TMEM245: variants seen among roughly 807,000 people sequenced by gnomAD.
TMEM245 encodes the protein protein CG-2.
TMEM245 carries 69 observed loss-of-function variants against 101.2 expected under a neutral mutation model. The ratio of observed to expected loss-of-function variants is 0.68; its 90% CI spans 0.56 to 0.83. The LOEUF is 0.83. Ranked by LOEUF, TMEM245 falls within the 40% of genes least tolerant of loss-of-function variation. The pLI is 0.00. For synonymous variants in TMEM245, 537 were observed against 449.8 expected (o/e 1.19, Z -2.45); for missense variants, 1,075 against 1,092.8 (o/e 0.98, Z 0.23).
chr9:109,021,306 C>G (rs1177818595), intron 17 of TMEM245, among the ~76,000 whole-genome samples: 1 of 152,160 alleles, frequency 6.6e-6, no homozygotes, highest in African/African-American at 2.4e-5. Context: ...CCATATTAGA[C>G]AAAAATGCCT....
chr9:109,105,664 A>G (rs1830391317), intron 3 of TMEM245, among the ~76,000 whole-genome samples: 1 of 152,234 alleles, frequency 6.6e-6, no homozygotes, highest in Non-Finnish European at 1.5e-5. Context: ...TTATTCAGCC[A>G]TAAAAAGGAA....
At chr9:109,037,321 G>A (rs1828159200) in intron 15 of TMEM245, among the ~76,000 whole-genome samples, 1 of 152,180 alleles carries the variant, frequency 6.6e-6, no homozygotes, top group Non-Finnish European at 1.5e-5. Context: ...AAACGTTACT[G>A]AGAGCCAATT....
At chr9:109,049,066 T>A (rs548291113) in intron 14 of TMEM245, among the ~76,000 whole-genome samples, 2 of 151,986 alleles carry the variant, frequency 1.3e-5, no homozygotes, top group South Asian at 4.2e-4. Context: ...GAGATGGGGG[T>A]GGTGGAAGCG....
intron 12 of TMEM245, among the ~76,000 whole-genome samples, chr9:109,055,695 C>T (rs781288924): frequency 2.6e-5 from 4 of 150,962 alleles, no homozygotes; most frequent in Non-Finnish European, 4.4e-5. Flanking sequence ...AGCTCAGTGG[C>T]GCAATCTCAG....
chr9:109,108,104 A>C (rs1830474016), intron 2 of TMEM245, among the ~76,000 whole-genome samples: 1 of 152,088 alleles, frequency 6.6e-6, no homozygotes, highest in Admixed American at 6.5e-5. Flanking sequence ...TAGTTCCTTT[A>C]ACTGGTTCTC....
chr9:109,113,079 G>A (rs780115364), intron 1 of TMEM245, among the ~76,000 whole-genome samples: 2 of 152,150 alleles, frequency 1.3e-5, no homozygotes, highest in Non-Finnish European at 2.9e-5. Flanking sequence ...CCATCTCAGC[G>A]GGGCCAGGGG....
In TMEM245 at chr9:109,038,355, T is replaced by G. The variant is rs1828202266; in HGVS notation, c.2124-238A>C. ...TATTTGGAAATATGTTTACTATTCCTTAAATTTCTGATGAAAAAATAACTG... is the reference window on the plus strand; with the variant it reads ...TATTTGGAAATATGTTTACTATTCCGTAAATTTCTGATGAAAAAATAACTG... On this transcript the variant is annotated intron_variant, in intron 14 of 17. Coordinates refer to ENST00000374586, the MANE Select transcript of TMEM245 (RefSeq NM_032012.4). 1.3e-5 allele frequency: 4 copies of G among 307,986 alleles called. No individual in the cohort carries two copies. The Admixed American group carries it at 1.5e-4, about 12-fold the overall frequency. 19.1% of individuals were successfully genotyped at this position (307,986 alleles called of 1,614,324 possible). A position where few individuals can be genotyped will look rare whatever the true frequency, so the allele number is the denominator to read the frequency against.
intron 8 of TMEM245, among the ~76,000 whole-genome samples, chr9:109,078,824 A>C (rs1001703793): frequency 3.9e-5 from 6 of 152,282 alleles, no homozygotes; most frequent in Admixed American, 2.0e-4. Context: ...TTATTTCTTC[A>C]AATAATTTTT....
At chr9:109,072,801 T>C (rs912181409) in intron 9 of TMEM245, among the ~76,000 whole-genome samples, 2 of 151,954 alleles carry the variant, frequency 1.3e-5, no homozygotes, top group East Asian at 3.8e-4. Context: ...AGCCCAGGAG[T>C]TCAAGATCAG....
At chr9:109,107,542 A>G (rs1181719864) in intron 2 of TMEM245, among the ~76,000 whole-genome samples, 1 of 152,136 alleles carries the variant, frequency 6.6e-6, no homozygotes, top group Non-Finnish European at 1.5e-5. Flanking sequence ...AAAATGAGTC[A>G]TATCTGACAT....
In TMEM245 at chr9:109,119,468, A is replaced by G. The variant is rs1336412867; in HGVS notation, c.446T>C (p.Leu149Pro). Reference sequence around the variant, plus strand: ...CGGGCCGCCGGCGCCGAGCAGCAGGAGCAGGCGGCGGCGGCGCAGCGCCTG... The same window carrying G: ...CGGGCCGCCGGCGCCGAGCAGCAGGGGCAGGCGGCGGCGGCGCAGCGCCTG... ...GEQALRRRRL[L>P]LLLGAGGPLL... The change falls in exon 1 of 18, where the codon CTC (leucine) becomes CCC (proline). Residue 149 changes from leucine to proline, a missense_variant. Transcript: ENST00000374586. The G allele has an allele frequency of 6.7e-7, 1 of 1,493,244 alleles. No homozygotes were observed. Among genetic ancestry groups the G allele is most frequent in the Non-Finnish European group, 8.8e-7 (1 of 1,131,402 alleles). 92.5% of individuals were successfully genotyped at this position (1,493,244 alleles called of 1,614,324 possible). A position where few individuals can be genotyped will look rare whatever the true frequency, so the allele number is the denominator to read the frequency against.
chr9:109,095,818 GCCTCTCACC>G (rs1439224559), intron 3 of TMEM245, among the ~76,000 whole-genome samples: 2 of 152,132 alleles, frequency 1.3e-5, no homozygotes, highest in African/African-American at 2.4e-5. Context: ...ACACTCAACT[GCCTCTCACC>G]CCTCTCACCA....
In TMEM245 at chr9:109,020,236, G is replaced by A. The variant is rs1215551179; in HGVS notation, c.*224C>T. The A allele has an allele frequency of 5.1e-6, 3 of 587,840 alleles. No homozygotes were observed. In the East Asian group the frequency reaches 9.1e-5, roughly 18 times the overall value. 36.4% of individuals were successfully genotyped at this position (587,840 alleles called of 1,614,324 possible). A position where few individuals can be genotyped will look rare whatever the true frequency, so the allele number is the denominator to read the frequency against. On this transcript the variant is annotated 3_prime_UTR_variant, in exon 18 of 18. Coordinates refer to ENST00000374586, the MANE Select transcript of TMEM245 (RefSeq NM_032012.4). ...CAAGCCATCTTAACAACAGTTAAGT[G>A]AGCAAACCACCAACTCTGAACTCTC...
Position 109,119,369 on chromosome 9 carries a change from A to G in TMEM245, c.545T>C (p.Ile182Thr), listed in dbSNP as rs760994927. 1.2e-5 allele frequency: 18 copies of G among 1,531,146 alleles called. No homozygotes were observed. Among genetic ancestry groups the G allele is most frequent in the Non-Finnish European group, 1.6e-5 (18 of 1,142,938 alleles). The allele number at this position is 1,531,146 out of a possible 1,614,324, so 94.8% of individuals were successfully genotyped here. ...GCTGAAGTAGTCCAGCCCGCGGCAG[A>G]TGAGCGTGGCAGCGTGCACCAGCAG... Reference protein sequence around the residue: ...QVLLVHAATLICRGLDYFSSL... With the variant: ...QVLLVHAATLTCRGLDYFSSL... Residue 182 changes from isoleucine (I) to threonine (T), a missense_variant, in exon 1 of 18, where the codon ATC becomes ACC. Ile to Thr is a moderately conservative substitution (Grantham distance 89). Coordinates refer to ENST00000374586, the MANE Select transcript of TMEM245 (RefSeq NM_032012.4).
At chr9:109,101,470 T>C (rs753298872) in intron 3 of TMEM245, among the ~76,000 whole-genome samples, 3 of 152,222 alleles carry the variant, frequency 2.0e-5, no homozygotes, top group Non-Finnish European at 2.9e-5. Context: ...ACCAGATGGT[T>C]TGAGTTCTGA....
chr9:109,119,859 G>T lies in TMEM245; in HGVS notation c.55C>A (p.Pro19Thr). 7.5e-7 allele frequency: 1 copy of T among 1,324,716 alleles called. No homozygotes were observed. 82.1% of individuals were successfully genotyped at this position (1,324,716 alleles called of 1,614,324 possible). Residue 19 changes from proline (P) to threonine (T), a missense_variant, in exon 1 of 18, where the codon CCG becomes ACG. Pro to Thr is a conservative substitution (Grantham distance 38). Transcript: ENST00000374586. ...ACCGCGCGCGGGACCCGCGGCGCCG[G>T]CCCGGGAGAGCTCCGCAGGCTTGGC... ...DAPSLRSSPG[P>T]APRVPRAVGP...
At chr9:109,118,922 A>G (rs993462513) in intron 1 of TMEM245, among the ~76,000 whole-genome samples, 1 of 152,156 alleles carries the variant, frequency 6.6e-6, no homozygotes, top group African/African-American at 2.4e-5. Context: ...GTTGGCCTAG[A>G]ATCTCTAAGG....
chr9:109,091,236 C>G, intron 4 of TMEM245, 81 bp from the exon 5 acceptor site: 1 of 1,257,418 alleles, frequency 8.0e-7, no homozygotes, highest in South Asian at 1.4e-5. Flanking sequence ...ATTAGGCTAG[C>G]CTGTTTCAGG....
In TMEM245 at chr9:109,110,366, T is replaced by G. The variant is rs531675842; in HGVS notation, c.580-1796A>C. Among the ~76,000 whole-genome samples, 20 of 152,234 alleles carry G rather than the reference T, an allele frequency of 1.3e-4. 1 individual carries two copies. In the South Asian group the frequency reaches 4.2e-3, roughly 32 times the overall value. On this transcript the variant is annotated intron_variant, in intron 1 of 17. Coordinates refer to ENST00000374586, the MANE Select transcript of TMEM245 (RefSeq NM_032012.4). ...TTTACACATGAAAGAAACCCAGATT[T>G]CAGAGAAGTGACTTGCCCAAGGCCA...
Sources: allele counts gnomAD v4.1 joint callset (sites outside exome capture counted in the v4.1 genomes callset), GRCh38; gene constraint gnomAD v4.1.1; transcripts MANE v1.5; gene names NCBI Gene and HGNC (gene_info 2026-07-23, HGNC 2026-07-21).